MYO18B: variants seen among roughly 807,000 people sequenced by gnomAD.
The protein encoded by MYO18B is myosin XVIIIB, also known as unconventional myosin-XVIIIb.
In MYO18B, 204 loss-of-function variants were observed where a neutral mutation model predicts 273.0. That is an observed-to-expected ratio of 0.75 (90% CI 0.67 to 0.84). MYO18B has a LOEUF of 0.84. Among genes scored for constraint, MYO18B ranks in the 40% least tolerant of loss-of-function variants. The pLI is 0.00. For synonymous variants in MYO18B, 1,330 were observed against 1,305.7 expected, an observed-to-expected ratio of 1.02 and a Z score of -0.40; for missense variants, 3,212 against 3,287.6, an observed-to-expected ratio of 0.98 and a Z score of 0.56.
intron 39 of MYO18B, among the ~76,000 whole-genome samples, chr22:25,974,312 C>T (rs866704427): frequency 4.5e-4 from 69 of 152,208 alleles, no homozygotes; most frequent in African/African-American, 1.2e-3. Flanking sequence ...TCATTTGACA[C>T]GCATAATATT....
At chr22:25,929,218 T>G (rs1040372670) in intron 34 of MYO18B, among the ~76,000 whole-genome samples, 3 of 150,586 alleles carry the variant, frequency 2.0e-5, no homozygotes, top group African/African-American at 7.3e-5. Flanking sequence ...CCCAATTGGC[T>G]CTCTCCTTTC....
intron 33 of MYO18B, 43 bp from the exon 34 acceptor site, chr22:25,921,214 C>G: frequency 6.6e-7 from 1 of 1,525,592 alleles, no homozygotes; most frequent in Non-Finnish European, 8.9e-7. Flanking sequence ...ACCCTGGCCA[C>G]TGCTTTGCCA....
intron 25 of MYO18B, among the ~76,000 whole-genome samples, chr22:25,890,227 C>T (rs2091619834): frequency 6.6e-6 from 1 of 152,204 alleles, no homozygotes; most frequent in African/African-American, 2.4e-5. Context: ...ACTGGATGTG[C>T]ATGCCTGTCA....
chr22:25,835,197 G>A, intron 16 of MYO18B, 99 bp from the exon 17 acceptor site: 1 of 1,413,830 alleles, frequency 7.1e-7, no homozygotes. Flanking sequence ...TGACACTTGG[G>A]ACTTGGATGC....
intron 12 of MYO18B, among the ~76,000 whole-genome samples, chr22:25,809,554 C>A (rs541069263): frequency 2.6e-5 from 4 of 152,240 alleles, no homozygotes; most frequent in South Asian, 4.2e-4. Flanking sequence ...TATATCCCAG[C>A]GAGGTGCCCC....
chr22:25,802,224 G>T (rs1372522714), intron 12 of MYO18B, among the ~76,000 whole-genome samples: 3 of 152,170 alleles, frequency 2.0e-5, no homozygotes, highest in Non-Finnish European at 4.4e-5. Flanking sequence ...TACAACCACT[G>T]CTCTATTATA....
At chr22:25,896,060 C>T (rs976100058) in intron 28 of MYO18B, among the ~76,000 whole-genome samples, 45 of 151,788 alleles carry the variant, frequency 3.0e-4, no homozygotes, top group African/African-American at 1.0e-3. Context: ...ATAACAGGGT[C>T]GTGGGTGTGT....
chr22:25,948,443 CTTCCTTCCTTCCTTCCTTCT>C (rs1231574288), intron 36 of MYO18B, among the ~76,000 whole-genome samples: 45 of 114,446 alleles, frequency 3.9e-4, no homozygotes, highest in South Asian at 1.1e-3. Context: ...TCCTTCCTTC[CTTCCTTCCTTCCTTCCTTCT>C]TTCTTTCTTT....
intron 33 of MYO18B, among the ~76,000 whole-genome samples, chr22:25,920,258 C>A (rs552848925): frequency 6.6e-6 from 1 of 152,142 alleles, no homozygotes; most frequent in Non-Finnish European, 1.5e-5. Flanking sequence ...TGGACAGGCC[C>A]GTATTGTATC....
At chr22:25,802,624 A>G (rs1360500652) in intron 12 of MYO18B, among the ~76,000 whole-genome samples, 3 of 151,714 alleles carry the variant, frequency 2.0e-5, no homozygotes, top group African/African-American at 4.8e-5. Context: ...ATGGTGGCAG[A>G]CACCTATGGT....
intron 12 of MYO18B, among the ~76,000 whole-genome samples, chr22:25,817,066 CTA>C: frequency 6.6e-6 from 1 of 152,280 alleles, no homozygotes; most frequent in African/African-American, 2.4e-5. Context: ...GGAAAAACAG[CTA>C]TGTTATTTCT....
chr22:25,893,600 G>A (rs1403114794), intron 27 of MYO18B, among the ~76,000 whole-genome samples: 2 of 152,168 alleles, frequency 1.3e-5, no homozygotes, highest in African/African-American at 2.4e-5. Context: ...TTTCCTGGTG[G>A]AGAGATAGTG....
intron 39 of MYO18B, among the ~76,000 whole-genome samples, chr22:25,957,092 C>T (rs1001501673): frequency 6.6e-6 from 1 of 152,158 alleles, no homozygotes; most frequent in Non-Finnish European, 1.5e-5. Flanking sequence ...CCTCATTAAC[C>T]AGCCCCATTT....
intron 31 of MYO18B, among the ~76,000 whole-genome samples, chr22:25,904,036 C>G (rs1415958347): frequency 1.3e-5 from 2 of 152,182 alleles, no homozygotes; most frequent in Non-Finnish European, 2.9e-5. Flanking sequence ...GTGTCACCTC[C>G]TCAGAGAAGC....
At chr22:25,861,494 TTACATGATAGATCTTA>T (rs2090736320) in intron 21 of MYO18B, among the ~76,000 whole-genome samples, 1 of 152,230 alleles carries the variant, frequency 6.6e-6, no homozygotes, top group South Asian at 2.1e-4. Context: ...TGTTTAGTGT[TTACATGATAGATCTTA>T]TTTCATTTTC....
intron 27 of MYO18B, among the ~76,000 whole-genome samples, chr22:25,891,949 G>C (rs1194620368): frequency 6.6e-6 from 1 of 152,118 alleles, no homozygotes; most frequent in African/African-American, 2.4e-5. Context: ...GATCACTTAA[G>C]CCTGGGAGAC....
At chr22:25,783,374 G>A (rs1204434255) in intron 10 of MYO18B, among the ~76,000 whole-genome samples, 1 of 152,260 alleles carries the variant, frequency 6.6e-6, no homozygotes, top group Non-Finnish European at 1.5e-5. Context: ...GGCCATGTGC[G>A]GTGCATAGTA....
At chr22:26,032,242 C>T (rs893228624), downstream of MYO18B, among the ~76,000 whole-genome samples, 1 of 152,192 alleles carries the variant, frequency 6.6e-6, no homozygotes, top group Non-Finnish European at 1.5e-5. Flanking sequence ...GATGCTGTAA[C>T]AAAATTCCAC....
intron 21 of MYO18B, among the ~76,000 whole-genome samples, chr22:25,864,506 C>G (rs1171406977): frequency 6.6e-6 from 1 of 152,088 alleles, no homozygotes; most frequent in Non-Finnish European, 1.5e-5. Context: ...AACTGAAGAC[C>G]AGAGAGGAGG....
Sources: gnomAD v4.1 joint callset for allele counts (sites outside exome capture counted in the v4.1 genomes callset) on GRCh38, gnomAD v4.1.1 for gene constraint, MANE v1.5 for transcripts, NCBI Gene and HGNC (gene_info 2026-07-23, HGNC 2026-07-21) for gene names.